The following C21orf91 variants were observed in gnomAD, a reference collection of about 807,000 sequenced individuals.
C21orf91 encodes the protein protein EURL homolog.
Under a neutral mutation model 32.9 loss-of-function variants are expected in C21orf91, and 26 were observed. The ratio of observed to expected loss-of-function variants is 0.79; its 90% CI spans 0.58 to 1.10. The LOEUF is 1.10. Ranked by LOEUF, C21orf91 falls within the 50% of genes least tolerant of loss-of-function variation. The pLI is 0.00. For synonymous variants in C21orf91, 126 were observed against 120.4 expected (o/e 1.05, Z -0.31); for missense variants, 310 against 341.3 (o/e 0.91, Z 0.72).
intron 2 of C21orf91, among the ~76,000 whole-genome samples, chr21:17,814,466 TA>T (rs2062652548): frequency 6.6e-6 from 1 of 152,158 alleles, no homozygotes; most frequent in Non-Finnish European, 1.5e-5. Context: ...TGCACTGCTA[TA>T]AAGAAATACC....
chr21:17,797,256 T>C (rs2062526822), intron 2 of C21orf91, 138 bp from the exon 3 acceptor site: 2 of 548,372 alleles, frequency 3.6e-6, no homozygotes, highest in Admixed American at 3.5e-5. Context: ...AATATTAGTA[T>C]TAATATACAA....
chr21:17,815,481 A>T (rs903246009), intron 2 of C21orf91, among the ~76,000 whole-genome samples: 1 of 152,228 alleles, frequency 6.6e-6, no homozygotes, highest in Non-Finnish European at 1.5e-5. Flanking sequence ...TTGGTAGAGG[A>T]AAGAAAACTT....
chr21:17,805,779 T>C (rs898727419), intron 2 of C21orf91, among the ~76,000 whole-genome samples: 3 of 152,240 alleles, frequency 2.0e-5, no homozygotes, highest in African/African-American at 4.8e-5. Flanking sequence ...AGTAACCCTC[T>C]ACTTGTTCCA....
chr21:17,797,786 C>T (rs1278867920), intron 2 of C21orf91, among the ~76,000 whole-genome samples: 1 of 152,012 alleles, frequency 6.6e-6, no homozygotes, highest in Non-Finnish European at 1.5e-5. Flanking sequence ...TAAATTCAAT[C>T]TGCCAAGATC....
chr21:17,793,386 G>A lies in C21orf91; in HGVS notation c.*29C>T, dbSNP rs1270884027. On this transcript the variant is annotated 3_prime_UTR_variant, in exon 5 of 5. Transcript: ENST00000284881. ...TGCATGTCTGGGAGACCAATAAAGG[G>A]CAGGGCATACGAAGTAAGTCTGTTT... is the stretch of plus-strand genomic sequence containing the variant. The A allele has an allele frequency of 6.6e-7, 1 of 1,511,984 alleles. No homozygotes were observed. 93.7% of individuals were successfully genotyped at this position (1,511,984 alleles called of 1,614,324 possible).
Position 17,793,614 on chromosome 21 carries a change from A to G in C21orf91, c.728-33T>C, listed in dbSNP as rs367786519. ...AGATTTAAAAACTTTCATTTTTAGT[A>G]TGCAGAAAGCCGGTGCTATGATTTA... is the stretch of plus-strand genomic sequence containing the variant. On this transcript the variant is annotated intron_variant, in intron 4 of 4. Coordinates refer to ENST00000284881, the MANE Select transcript of C21orf91 (RefSeq NM_001100420.2). 4.0e-5 allele frequency: 58 copies of G among 1,449,858 alleles called. 1 individual carries two copies. In the African/African-American group the frequency reaches 7.5e-4, roughly 19 times the overall value. 89.8% of individuals were successfully genotyped at this position (1,449,858 alleles called of 1,614,324 possible).
chr21:17,801,489 C>G (rs965173551), intron 2 of C21orf91, among the ~76,000 whole-genome samples: 12 of 152,054 alleles, frequency 7.9e-5, no homozygotes, highest in Non-Finnish European at 1.3e-4. Context: ...CCAGGATGGT[C>G]TCGATCTCCT....
chr21:17,800,861 AG>A (rs1400734831), intron 2 of C21orf91, among the ~76,000 whole-genome samples: 1 of 152,224 alleles, frequency 6.6e-6, no homozygotes, highest in African/African-American at 2.4e-5. Context: ...GGCAACCAAA[AG>A]TCTTAATCTT....
At chr21:17,799,024 C>T (rs2062540669) in intron 2 of C21orf91, among the ~76,000 whole-genome samples, 1 of 152,104 alleles carries the variant, frequency 6.6e-6, no homozygotes, top group South Asian at 2.1e-4. Flanking sequence ...CCCTCAAAAC[C>T]GTAAATGGTC....
chr21:17,812,535 C>T (rs894784838), intron 2 of C21orf91, among the ~76,000 whole-genome samples: 2 of 152,146 alleles, frequency 1.3e-5, no homozygotes, highest in Non-Finnish European at 2.9e-5. Flanking sequence ...GTTGGCCGGG[C>T]GCGGTGGCTC....
Position 17,818,279 on chromosome 21 carries a change from C to A in C21orf91, c.40G>T (p.Asp14Tyr). The change falls in exon 2 of 5, where the codon GAT (aspartate) becomes TAT (tyrosine). Residue 14 changes from aspartate (D) to tyrosine (Y), a missense_variant. Transcript: ENST00000284881. ...EEQFVNIDLN[D>Y]DNICSVCKLG... The stretch of plus-strand genomic sequence containing the variant: ...TTACAAACACTGCAAATGTTGTCAT[C>A]ATTCAAATCAATGTTTACAAACTGC... 1 of 1,612,456 alleles carries A rather than the reference C, an allele frequency of 6.2e-7. No individual in the cohort carries two copies. Among genetic ancestry groups the A allele is most frequent in the Non-Finnish European group, 8.5e-7 (1 of 1,178,690 alleles).
At chr21:17,811,601 T>C (rs1202256450) in intron 2 of C21orf91, 1 of 152,198 alleles carries the variant, frequency 6.6e-6, no homozygotes, top group Non-Finnish European at 1.5e-5. Context: ...TAACAGTTAC[T>C]GTAAGTTATT....
chr21:17,795,196 A>G lies in C21orf91; in HGVS notation c.727+12T>C, dbSNP rs748679901. 7 of 1,587,424 alleles carry G rather than the reference A, an allele frequency of 4.4e-6. No individual in the cohort carries two copies. The East Asian group carries it at 1.6e-4, about 35-fold the overall frequency. On this transcript the variant is annotated intron_variant, in intron 4 of 4. Transcript: ENST00000284881. The stretch of plus-strand genomic sequence containing the variant: ...TTGTCACACACAAAAAAGTACTGAC[A>G]GTGATTCTTACCCTGGATTTGCTGT...
At chr21:17,817,983 G>A in intron 2 of C21orf91, 3 of 381,982 alleles carry the variant, frequency 7.9e-6, no homozygotes, top group Non-Finnish European at 1.4e-5. Context: ...TTGTTGCAGG[G>A]GTCTTTAAAA....
rs900987577 is a variant in C21orf91 at position 17,802,659 on chromosome 21, C to T, written c.128-5541G>A. Among the ~76,000 whole-genome samples, 6 of 152,318 alleles carry T rather than the reference C, an allele frequency of 3.9e-5. No individual in the cohort carries two copies. In the East Asian group the frequency reaches 1.2e-3, roughly 29 times the overall value. On this transcript the variant is annotated intron_variant, in intron 2 of 4. Coordinates refer to ENST00000284881, the MANE Select transcript of C21orf91 (RefSeq NM_001100420.2). The stretch of plus-strand genomic sequence containing the variant: ...ATGATCCTCTGCTTTTACCCCTAGC[C>T]TCTTGAGGAAGACTTGATTTATAAC...
chr21:17,818,056 C>G, intron 2 of C21orf91, 136 bp downstream of exon 2: 1 of 531,802 alleles, frequency 1.9e-6, no homozygotes, highest in Middle Eastern at 5.5e-4. Flanking sequence ...GAAACCTTAT[C>G]TTTAACAAAT....
intron 2 of C21orf91, among the ~76,000 whole-genome samples, chr21:17,804,974 A>C (rs868689812): frequency 9.2e-5 from 14 of 152,180 alleles, no homozygotes; most frequent in African/African-American, 3.4e-4. Flanking sequence ...TTTATTACTA[A>C]AAAGGCACAA....
rs8128004 is a variant in C21orf91 at position 17,796,661 on chromosome 21, C to G, written c.585G>C (p.Gln195His). The change falls in exon 3 of 5, where the codon CAG becomes CAC. Residue 195 changes from glutamine (Q) to histidine (H), a missense_variant. Gln to His is a conservative substitution (Grantham distance 24). Transcript: ENST00000284881. ...AGATTGTCTCTTCTTTTTTCTGTGC[C>G]TGGTTGTGACTATGAGGCCACAATA... Reference protein sequence around the residue: ...NSVLWPHSHNQAQKKEETISS... With the variant: ...NSVLWPHSHNHAQKKEETISS... The G allele has an allele frequency of 1.9e-3, 3,071 of 1,613,908 alleles. 50 individuals carry two copies. The African/African-American group carries it at 0.036, about 19-fold the overall frequency.
At chr21:17,798,659 T>C (rs185607079) in intron 2 of C21orf91, among the ~76,000 whole-genome samples, 22 of 152,324 alleles carry the variant, frequency 1.4e-4, no homozygotes, top group Admixed American at 1.4e-3. Context: ...TAGGTCAAAT[T>C]TCCAGCAACA....
Sources: allele counts gnomAD v4.1 joint callset (sites outside exome capture counted in the v4.1 genomes callset), GRCh38; gene constraint gnomAD v4.1.1; transcripts MANE v1.5; gene names NCBI Gene and HGNC (gene_info 2026-07-23, HGNC 2026-07-21).